PCDH15: variants seen among roughly 807,000 people sequenced by gnomAD.
PCDH15 encodes protocadherin-15.
A neutral mutation model predicts 178.5 loss-of-function variants in PCDH15; 129 were observed. That is an observed-to-expected ratio of 0.72 (90% CI 0.63 to 0.84). PCDH15 has a LOEUF of 0.84. Ranked by LOEUF, PCDH15 falls within the 40% of genes least tolerant of loss-of-function variation. PCDH15 has a pLI of 0.00. For synonymous variants in PCDH15, 800 were observed against 732.0 expected (o/e 1.09, Z -1.50); for missense variants, 2,230 against 2,099.9 (o/e 1.06, Z -1.21).
chr10:54,907,239 C>G (rs1289149670), intron 2 of PCDH15, among the ~76,000 whole-genome samples: 1 of 152,142 alleles, frequency 6.6e-6, no homozygotes. Flanking sequence ...ATATGACACA[C>G]TAAATATATT....
chr10:55,207,769 A>G (rs1591989962), intron 1 of PCDH15, among the ~76,000 whole-genome samples: 1 of 152,096 alleles, frequency 6.6e-6, no homozygotes, highest in South Asian at 2.1e-4. Context: ...GGAGTTCAAG[A>G]CCAGCCTGGA....
chr10:54,202,727 G>T (rs181065855), intron 10 of PCDH15, among the ~76,000 whole-genome samples: 1 of 149,752 alleles, frequency 6.7e-6, no homozygotes, highest in Non-Finnish European at 1.5e-5. Context: ...CAGAAGAATC[G>T]CTTGAACCCG....
At chr10:55,587,558 A>T (rs1842749489) in intron 2 of PCDH15, among the ~76,000 whole-genome samples, 2 of 152,172 alleles carry the variant, frequency 1.3e-5, no homozygotes, top group Non-Finnish European at 2.9e-5. Flanking sequence ...TCCTTCTGAA[A>T]TAATCCTGGT....
At chr10:54,133,770 G>A (rs1276460293) in intron 14 of PCDH15, among the ~76,000 whole-genome samples, 1 of 151,900 alleles carries the variant, frequency 6.6e-6, no homozygotes, top group African/African-American at 2.4e-5. Flanking sequence ...AGGTTTGTAA[G>A]GTGGAAACAT....
At chr10:54,285,012 A>G (rs565435146) in intron 8 of PCDH15, among the ~76,000 whole-genome samples, 27 of 152,352 alleles carry the variant, frequency 1.8e-4, no homozygotes, top group African/African-American at 6.5e-4. Context: ...TGCAAATTTC[A>G]TATGAAAGAA....
intron 3 of PCDH15, among the ~76,000 whole-genome samples, chr10:54,872,091 CTTT>C (rs1954050110): frequency 6.6e-6 from 1 of 151,976 alleles, no homozygotes; most frequent in Non-Finnish European, 1.5e-5. Context: ...AATAAAGTGT[CTTT>C]AAGTCCTTTA....
chr10:53,811,550 C>A lies in PCDH15; in HGVS notation c.4561G>T (p.Gly1521Trp). Residue 1521 changes from glycine to tryptophan, a missense_variant and splice_region_variant, in exon 36 of 38, where the codon GGG becomes TGG. Physicochemically the swap from Gly to Trp is radical, Grantham distance 184. Transcript: ENST00000644397. ...AATTTTAAAAATCTGAAGATGTACCCATGCTCATAACTGTAATAATCTTGT... is the reference window on the plus strand; with the variant it reads ...AATTTTAAAAATCTGAAGATGTACCAATGCTCATAACTGTAATAATCTTGT... ...YGQDYYSYEH[G>W]YEMPQYGSRR... The A allele has an allele frequency of 6.5e-7, 1 of 1,533,082 alleles. No homozygotes were observed. The highest frequency in any genetic ancestry group is 1.3e-5 in the South Asian group (1 of 75,562). 95.0% of individuals were successfully genotyped at this position (1,533,082 alleles called of 1,614,324 possible).
At chr10:53,927,875 T>C (rs2084703225) in intron 25 of PCDH15, among the ~76,000 whole-genome samples, 1 of 152,100 alleles carries the variant, frequency 6.6e-6, no homozygotes, top group African/African-American at 2.4e-5. Flanking sequence ...GATGTATTTG[T>C]TCTTGTATGA....
At chr10:54,434,353 A>G (rs1320680239) in intron 3 of PCDH15, among the ~76,000 whole-genome samples, 2 of 152,096 alleles carry the variant, frequency 1.3e-5, no homozygotes, top group African/African-American at 4.8e-5. Context: ...TCATTCACTG[A>G]CTCACCCAGA....
At chr10:54,801,458 C>G (rs139503790), upstream of PCDH15, among the ~76,000 whole-genome samples, 919 of 152,298 alleles carry the variant, frequency 6.0e-3, 3 homozygotes, top group Non-Finnish European at 0.01. Flanking sequence ...ATCATCGGTA[C>G]TGGCTGCTTT....
At chr10:54,931,744 C>T (rs1027965158) in intron 2 of PCDH15, among the ~76,000 whole-genome samples, 1 of 152,152 alleles carries the variant, frequency 6.6e-6, no homozygotes, top group African/African-American at 2.4e-5. Context: ...TTAATACATA[C>T]TGGGATTTGC....
intron 8 of PCDH15, among the ~76,000 whole-genome samples, chr10:54,250,377 G>A (rs2056379090): frequency 6.7e-6 from 1 of 149,720 alleles, no homozygotes; most frequent in Non-Finnish European, 1.5e-5. Flanking sequence ...CTGCCTCCCG[G>A]GTTCACGCCA....
rs1472118640 is a variant in PCDH15, at chr10:54,717,418, AAAAC to A, written c.-28-53132_-28-53129del. Among the ~76,000 whole-genome samples, 12 of 141,668 alleles carry A rather than the reference AAAAC, an allele frequency of 8.5e-5. 2 individuals carry two copies. Among genetic ancestry groups the A allele is most frequent in the Middle Eastern group, 7.2e-3 (2 of 278 alleles). 92.9% of individuals were successfully genotyped at this position (141,668 alleles called of 152,430 possible). A position where few individuals can be genotyped will look rare whatever the true frequency, so the allele number is the denominator to read the frequency against. On this transcript the variant is annotated intron_variant, in intron 1 of 37. Transcript: ENST00000644397. ...TGAACTCAAACAAATTTACAAGAAA[AAAAC>A]AAACAACCCCATCAAAAAGTGGGCA...
At chr10:54,600,841 C>G (rs545535500) in intron 2 of PCDH15, among the ~76,000 whole-genome samples, 1 of 151,908 alleles carries the variant, frequency 6.6e-6, no homozygotes, top group Non-Finnish European at 1.5e-5. Context: ...GTGTGCTCCC[C>G]CCTCAGTCTT....
intron 18 of PCDH15, among the ~76,000 whole-genome samples, chr10:54,045,021 A>G (rs940436770): frequency 6.6e-6 from 1 of 152,160 alleles, no homozygotes; most frequent in African/African-American, 2.4e-5. Context: ...ACTAATATAC[A>G]GTACCACCCA....
At chr10:54,419,978 G>T (rs2135792263) in intron 3 of PCDH15, among the ~76,000 whole-genome samples, 1 of 152,036 alleles carries the variant, frequency 6.6e-6, no homozygotes, top group East Asian at 1.9e-4. Flanking sequence ...GTTTATCTTA[G>T]GACTTTAAGG....
At chr10:54,569,151 C>T (rs192948298) in intron 2 of PCDH15, among the ~76,000 whole-genome samples, 35 of 151,782 alleles carry the variant, frequency 2.3e-4, no homozygotes, top group Middle Eastern at 3.5e-3. Context: ...ACTACATATG[C>T]TAATACAGAG....
intron 8 of PCDH15, among the ~76,000 whole-genome samples, chr10:54,250,145 C>T (rs1365405607): frequency 6.6e-6 from 1 of 150,736 alleles, no homozygotes; most frequent in African/African-American, 2.5e-5. Flanking sequence ...TGAGCTCAAG[C>T]AAAAGGCCCA....
chr10:54,227,306 T>C (rs572511191), intron 9 of PCDH15, among the ~76,000 whole-genome samples: 1 of 152,350 alleles, frequency 6.6e-6, no homozygotes, highest in Admixed American at 6.5e-5. Flanking sequence ...AATTCTTGAC[T>C]TCTGAGCACT....
Sources: allele counts gnomAD v4.1 joint callset (sites outside exome capture counted in the v4.1 genomes callset), GRCh38; gene constraint gnomAD v4.1.1; transcripts MANE v1.5; gene names NCBI Gene and HGNC (gene_info 2026-07-23, HGNC 2026-07-21).